The following ZFYVE1 variants were observed in gnomAD, a reference collection of about 807,000 sequenced individuals.
The protein encoded by ZFYVE1 is zinc finger FYVE-type containing 1.
Under a neutral mutation model 74.4 loss-of-function variants are expected in ZFYVE1, and 30 were observed. That is an observed-to-expected ratio of 0.40 (90% CI 0.30 to 0.55). The LOEUF is 0.55. ZFYVE1 is among the 20% of genes least tolerant of loss of function. ZFYVE1 has a pLI of 0.42. For missense variants in ZFYVE1, 703 were observed against 1,011.6 expected, an observed-to-expected ratio of 0.69 and a Z score of 4.14; for synonymous variants, 335 against 385.1, an observed-to-expected ratio of 0.87 and a Z score of 1.52.
intron 3 of ZFYVE1, 44 bp from the exon 4 acceptor site, chr14:72,993,401 TAA>T (rs374753534): frequency 0.014 from 16,543 of 1,177,906 alleles, no homozygotes; most frequent in South Asian, 0.022. Flanking sequence ...GAGTGACATT[TAA>T]AAAAAAAAAA....
chr14:73,009,966 G>A (rs1021636283), intron 2 of ZFYVE1, among the ~76,000 whole-genome samples: 7 of 152,024 alleles, frequency 4.6e-5, no homozygotes, highest in Non-Finnish European at 1.0e-4. Flanking sequence ...AGTTAGCTGG[G>A]CATGGTGGTA....
Position 73,023,392 on chromosome 14 carries a change from G to A in ZFYVE1, c.483+634C>T, listed in dbSNP as rs370545424. 1.2e-3 allele frequency among the ~76,000 whole-genome samples: 95 copies of A among 77,556 alleles called. 3 individuals are homozygous for A. Among genetic ancestry groups the A allele is most frequent in the South Asian group, 4.4e-3 (10 of 2,296 alleles). The allele number at this position is 77,556 out of a possible 152,430, so 50.9% of individuals were successfully genotyped here. A position where few individuals can be genotyped will look rare whatever the true frequency, so the allele number is the denominator to read the frequency against. On this transcript the variant is annotated intron_variant, in intron 2 of 11. Coordinates refer to ENST00000556143, the MANE Select transcript of ZFYVE1 (RefSeq NM_021260.4). ...TTTATATATAATATATATATTTTAT[G>A]TGTTTTATATATAATATATATTTTA... is the stretch of plus-strand genomic sequence containing the variant.
intron 2 of ZFYVE1, among the ~76,000 whole-genome samples, chr14:73,010,768 TAAAAA>T (rs35771113): frequency 8.5e-4 from 50 of 59,008 alleles, no homozygotes; most frequent in Non-Finnish European, 1.0e-3. Flanking sequence ...AGACTCCATC[TAAAAA>T]AAAAAAAAAA....
Position 73,024,478 on chromosome 14 carries a change from C to A in ZFYVE1, c.31G>T (p.Gly11Cys). Reference protein sequence around the residue: MSAQTSPAEKGLNPGLMCQES... With the variant: MSAQTSPAEKCLNPGLMCQES... Reference sequence around the variant, plus strand: ...TGGCACATCAGCCCCGGATTCAGGCCCTTCTCTGCTGGGGAAGTCTGGGCA... The same window carrying A: ...TGGCACATCAGCCCCGGATTCAGGCACTTCTCTGCTGGGGAAGTCTGGGCA... Residue 11 changes from glycine to cysteine, a missense_variant, in exon 2 of 12, where the codon GGC becomes TGC. Coordinates refer to ENST00000556143, the MANE Select transcript of ZFYVE1 (RefSeq NM_021260.4). The A allele has an allele frequency of 1.2e-6, 2 of 1,610,872 alleles. No homozygotes were observed. The highest frequency in any genetic ancestry group is 8.5e-7 in the Non-Finnish European group (1 of 1,178,064).
At position 72,998,335 on chromosome 14, in the gene ZFYVE1, G is replaced by T. The variant is rs201385388; in HGVS notation, c.484-20C>A. ...TGTTACCTGCAAAAAAAAAAAAAAAGACCATGAAATACAGAAACTGTAAAA... is the reference window on the plus strand; with the variant it reads ...TGTTACCTGCAAAAAAAAAAAAAAATACCATGAAATACAGAAACTGTAAAA... On this transcript the variant is annotated intron_variant, in intron 2 of 11. Coordinates refer to ENST00000556143, the MANE Select transcript of ZFYVE1 (RefSeq NM_021260.4). 5.5e-6 allele frequency: 5 copies of T among 906,106 alleles called. No homozygotes were observed. Among genetic ancestry groups the T allele is most frequent in the South Asian group, 5.2e-5 (3 of 57,300 alleles). 56.1% of individuals were successfully genotyped at this position (906,106 alleles called of 1,614,324 possible). A position where few individuals can be genotyped will look rare whatever the true frequency, so the allele number is the denominator to read the frequency against.
chr14:72,975,127 C>A lies in ZFYVE1; in HGVS notation c.1807-168G>T, dbSNP rs888901618. The A allele has an allele frequency of 1.3e-5, 9 of 693,660 alleles. No homozygotes were observed. The African/African-American group carries it at 1.4e-4, about 11-fold the overall frequency. 43.0% of individuals were successfully genotyped at this position (693,660 alleles called of 1,614,324 possible). A position where few individuals can be genotyped will look rare whatever the true frequency, so the allele number is the denominator to read the frequency against. ...GCGTTATCTGAGAATGGAAAGGAAG[C>A]CTGGTGGACAGTGAGTTTCCTTTCA... On this transcript the variant is annotated intron_variant, in intron 9 of 11. Transcript: ENST00000556143. This position sits in a 1 kb window ranked among gnomAD's most constrained non-coding sequence, Gnocchi z 4.1.
At chr14:73,004,993 C>CA (rs34755612) in intron 2 of ZFYVE1, among the ~76,000 whole-genome samples, 62,307 of 116,520 alleles carry the variant, frequency 0.53, 14,844 homozygotes, top group Middle Eastern at 0.62. Flanking sequence ...GACCCCGTCT[C>CA]AAAAAAAAAA....
chr14:73,006,463 T>C (rs1180600319), intron 2 of ZFYVE1, among the ~76,000 whole-genome samples: 1 of 151,338 alleles, frequency 6.6e-6, no homozygotes, highest in African/African-American at 2.4e-5. Flanking sequence ...TAATCCCAGC[T>C]ACTCGGGAGG....
chr14:73,023,333 TATATGTTTTATATATAATATATATTA>T (rs1231854318), intron 2 of ZFYVE1, among the ~76,000 whole-genome samples: 10 of 69,098 alleles, frequency 1.4e-4, no homozygotes, highest in Admixed American at 1.4e-3. Context: ...ATATATATTA[TATATGTTTTATATATAATATATATTA>T]TATATGTTTT....
intron 2 of ZFYVE1, among the ~76,000 whole-genome samples, chr14:73,004,853 G>A (rs906905661): frequency 2.0e-5 from 3 of 152,002 alleles, no homozygotes; most frequent in African/African-American, 7.2e-5. Flanking sequence ...CAAAAAATTG[G>A]CCAGGCGTTG....
In ZFYVE1 at chr14:73,024,277, T is replaced by C. The variant is rs756485596; in HGVS notation, c.232A>G (p.Ser78Gly). 24 of 1,614,038 alleles carry C rather than the reference T, an allele frequency of 1.5e-5. No individual in the cohort carries two copies. Residue 78 changes from serine to glycine, a missense_variant, in exon 2 of 12, where the codon AGT (serine) becomes GGT (glycine). By Grantham distance (56) the Ser-to-Gly change is moderately conservative. This residue lies in a region of ZFYVE1 where 211 missense variants were observed against 221.7 expected (regional missense o/e 0.95). Coordinates refer to ENST00000556143, the MANE Select transcript of ZFYVE1 (RefSeq NM_021260.4). ...VPYCDLCKGL[S>G]GHLPGVRQRA... is the part of the protein sequence containing the mutation. ...TGCCTAACACCTGGTAAATGCCCAC[T>C]GAGACCCTTGCAGAGGTCACAGTAA...
chr14:72,984,923 C>T (rs900750681), intron 4 of ZFYVE1, among the ~76,000 whole-genome samples: 1 of 152,216 alleles, frequency 6.6e-6, no homozygotes, highest in Non-Finnish European at 1.5e-5. Flanking sequence ...AAGGACCTAA[C>T]AGGTACTCAG....
intron 4 of ZFYVE1, among the ~76,000 whole-genome samples, chr14:72,985,794 T>C (rs1002900313): frequency 6.6e-6 from 1 of 152,126 alleles, no homozygotes; most frequent in East Asian, 1.9e-4. Context: ...TATTTTCATT[T>C]TTTAAAATGA....
At chr14:73,004,707 A>G (rs753726288) in intron 2 of ZFYVE1, among the ~76,000 whole-genome samples, 13 of 152,100 alleles carry the variant, frequency 8.5e-5, no homozygotes, top group Non-Finnish European at 1.9e-4. Context: ...GTCATGTGAA[A>G]GGAGGCTAGG....
intron 4 of ZFYVE1, among the ~76,000 whole-genome samples, chr14:72,990,519 C>A (rs1272595557): frequency 6.6e-6 from 1 of 151,812 alleles, no homozygotes; most frequent in Non-Finnish European, 1.5e-5. Flanking sequence ...GCCTCAGCCT[C>A]CTGAGTAGCT....
In ZFYVE1 at chr14:72,981,874, C is replaced by A; in HGVS notation, c.1225G>T (p.Gly409Cys). 1.2e-6 allele frequency: 2 copies of A among 1,614,006 alleles called. No individual in the cohort carries two copies. The highest frequency in any genetic ancestry group is 1.7e-6 in the Non-Finnish European group (2 of 1,180,036). ...GCCATCTGGTCATCGGGGATCTCAC[C>A]GCTGAAGCGGTCACTTAGTGCCTGC... is the stretch of plus-strand genomic sequence containing the variant. The part of the protein sequence containing the change: ...ALKALSDRFS[G>C]EIPDDQMAHS... The change falls in exon 5 of 12, where the codon GGT becomes TGT. Residue 409 changes from glycine (G) to cysteine (C), a missense_variant. Gly to Cys is a radical substitution (Grantham distance 159). This residue lies in a region of ZFYVE1 where 492 missense variants were observed against 790.0 expected (regional missense o/e 0.62). Coordinates refer to ENST00000556143, the MANE Select transcript of ZFYVE1 (RefSeq NM_021260.4).
chr14:73,010,200 C>G (rs1894059380), intron 2 of ZFYVE1, among the ~76,000 whole-genome samples: 2 of 152,202 alleles, frequency 1.3e-5, no homozygotes, highest in South Asian at 4.1e-4. Flanking sequence ...CACAGTGGGT[C>G]ACACCTGTAA....
chr14:73,009,069 A>G (rs1156512696), intron 2 of ZFYVE1, among the ~76,000 whole-genome samples: 2 of 152,208 alleles, frequency 1.3e-5, no homozygotes, highest in Non-Finnish European at 2.9e-5. Context: ...ACAGTGCCTG[A>G]CGCAAAATAG....
rs375226094 is a variant in ZFYVE1 at position 72,993,161 on chromosome 14, G to T, written c.1185C>A (p.Val395=). The part of the protein sequence containing the change: ...NTTRSPRHPG[V]IFKALKALSD... ...AACTGACCTTCAGGGCTTTGAAGAT[G>T]ACTCCCGGGTGCCGGGGAGAACGGG... The change falls in exon 4 of 12, where the codon GTC becomes GTA. Residue 395 remains valine, a synonymous_variant. Transcript: ENST00000556143. 6.2e-7 allele frequency: 1 copy of T among 1,608,306 alleles called. No homozygotes were observed. Among genetic ancestry groups the T allele is most frequent in the Non-Finnish European group, 8.5e-7 (1 of 1,176,464 alleles).
Sources: gnomAD v4.1 joint callset for allele counts (sites outside exome capture counted in the v4.1 genomes callset) on GRCh38, gnomAD v4.1.1 for gene constraint, gnomAD v4.1.1 regional missense constraint, Gnocchi (gnomAD v3.1) non-coding constraint, MANE v1.5 for transcripts, NCBI Gene and HGNC (gene_info 2026-07-23, HGNC 2026-07-21) for gene names.